Variants in PRKN observed in about 807,000 individuals in gnomAD.
The protein encoded by PRKN is parkin RBR E3 ubiquitin protein ligase, also known as E3 ubiquitin-protein ligase parkin.
In PRKN, 56 loss-of-function variants were observed where a neutral mutation model predicts 59.5. That is an observed-to-expected ratio of 0.94 (90% confidence interval 0.76 to 1.18). The LOEUF (loss-of-function observed/expected upper bound fraction) is 1.18, where lower values mean the gene tolerates loss of function less well. PRKN is among the 50% of genes most tolerant of loss of function. The pLI, the probability that PRKN is intolerant of heterozygous loss-of-function variation, is 0.00. For synonymous variants in PRKN, 250 were observed against 222.1 expected (o/e 1.13, Z -1.12); for missense variants, 657 against 596.4 (o/e 1.10, Z -1.06).
intron 7 of PRKN, among the ~76,000 whole-genome samples, chr6:161,668,508 A>C (rs1346057775): frequency 6.6e-6 from 1 of 152,212 alleles, no homozygotes. Context: ...ACATTAGGGC[A>C]GGTTCTAATG....
At chr6:162,108,637 G>A (rs1328205030) in intron 4 of PRKN, among the ~76,000 whole-genome samples, 2 of 152,172 alleles carry the variant, frequency 1.3e-5, no homozygotes, top group African/African-American at 4.8e-5. Flanking sequence ...TGGTGTGACA[G>A]GGTTAGTTAA....
intron 1 of PRKN, among the ~76,000 whole-genome samples, chr6:162,504,073 G>C (rs1343985593): frequency 5.0e-5 from 4 of 80,178 alleles, no homozygotes; most frequent in African/African-American, 1.4e-4. Flanking sequence ...AGGACACAGA[G>C]AGAGAGAGAG....
rs543055575 is a variant in PRKN, at chr6:162,440,855, C to T, written c.171+2455G>A. Reference sequence around the variant, plus strand: ...ATAATGGGTAACTAAATGATATTGACTAAATAGTTGTAAACATATGTTCTA... The same window carrying T: ...ATAATGGGTAACTAAATGATATTGATTAAATAGTTGTAAACATATGTTCTA... On this transcript the variant is annotated intron_variant, in intron 2 of 11. Transcript: ENST00000366898. Among the ~76,000 whole-genome samples, 3 of 151,626 alleles carry T rather than the reference C, an allele frequency of 2.0e-5. No individual in the cohort carries two copies. In the South Asian group the frequency reaches 6.3e-4, roughly 32 times the overall value.
chr6:161,552,796 T>TC lies in PRKN; in HGVS notation c.934-3794_934-3793insG, dbSNP rs1780085791. Among the ~76,000 whole-genome samples the TC allele has an allele frequency of 6.7e-6, 1 of 149,462 alleles. No individual in the cohort carries two copies. ...CCATGGTTTTGTTGTTGTTTTTGTTTTTTGTTTTTTTTTTTTAGACGGAGT... is the reference window on the plus strand; with the variant it reads ...CCATGGTTTTGTTGTTGTTTTTGTTTCTTTGTTTTTTTTTTTTAGACGGAGT... On this transcript the variant is annotated intron_variant, in intron 8 of 11. Transcript: ENST00000366898. The surrounding 1 kb of genome is among the most constrained non-coding windows in gnomAD (Gnocchi z 4.9).
Position 161,446,536 on chromosome 6 carries a change from G to A in PRKN, c.1084-59659C>T, listed in dbSNP as rs762322109. Among the ~76,000 whole-genome samples, 1 of 152,304 alleles carries A rather than the reference G, an allele frequency of 6.6e-6. No homozygotes were observed. Among genetic ancestry groups the A allele is most frequent in the Middle Eastern group, 3.4e-3 (1 of 294 alleles). On this transcript the variant is annotated intron_variant, in intron 9 of 11. Coordinates refer to ENST00000366898, the MANE Select transcript of PRKN (RefSeq NM_004562.3). The surrounding 1 kb of genome is among the most constrained non-coding windows in gnomAD (Gnocchi z 6.2). ...AGCATAAAAGGAGTAGGATGTTTGT[G>A]ATGGCTGAGCGTCATGGAGGAATTC...
At chr6:162,294,118 TG>T (rs2128110354) in intron 2 of PRKN, among the ~76,000 whole-genome samples, 1 of 132,186 alleles carries the variant, frequency 7.6e-6, no homozygotes, top group South Asian at 2.5e-4. Context: ...GAGGCATCAT[TG>T]GGAGGCAGGA....
intron 1 of PRKN, among the ~76,000 whole-genome samples, chr6:162,666,788 T>C (rs1490777033): frequency 6.6e-6 from 1 of 152,156 alleles, no homozygotes; most frequent in African/African-American, 2.4e-5. Flanking sequence ...TTCTTGGTAC[T>C]ATGAGCTACC....
chr6:162,384,944 T>A (rs1401503764), intron 2 of PRKN, among the ~76,000 whole-genome samples: 1 of 152,130 alleles, frequency 6.6e-6, no homozygotes, highest in East Asian at 1.9e-4. Flanking sequence ...CCCTCCCTTT[T>A]GTTGCTCTGT....
intron 5 of PRKN, among the ~76,000 whole-genome samples, chr6:162,022,658 CAGA>C (rs1783252515): frequency 6.6e-6 from 1 of 152,112 alleles, no homozygotes; most frequent in African/African-American, 2.4e-5. Context: ...TTTTGCTGTG[CAGA>C]AGCTCTTTAG....
chr6:161,920,989 C>A (rs1778764904), intron 6 of PRKN, among the ~76,000 whole-genome samples: 2 of 152,058 alleles, frequency 1.3e-5, no homozygotes, highest in Non-Finnish European at 2.9e-5. Context: ...AATAAACTGA[C>A]CTTGGCTTAC....
chr6:161,544,136 T>A lies in PRKN; in HGVS notation c.1083+4718A>T, dbSNP rs1779713125. ...ATTCTGTGCTGAGTCAAAACTGAAA[T>A]CTCAGTTCTCCCAAGAGTAAGACAT... On this transcript the variant is annotated intron_variant, in intron 9 of 11. Coordinates refer to ENST00000366898, the MANE Select transcript of PRKN (RefSeq NM_004562.3). The surrounding 1 kb of genome is among the most constrained non-coding windows in gnomAD (Gnocchi z 5.5). Among the ~76,000 whole-genome samples the A allele has an allele frequency of 6.6e-6, 1 of 152,200 alleles. No individual in the cohort carries two copies. Among genetic ancestry groups the A allele is most frequent in the Non-Finnish European group, 1.5e-5 (1 of 68,042 alleles).
chr6:161,659,399 CAT>C (rs1260053056), intron 7 of PRKN, among the ~76,000 whole-genome samples: 5 of 152,196 alleles, frequency 3.3e-5, no homozygotes, highest in Admixed American at 6.5e-5. Flanking sequence ...ATTTCACACA[CAT>C]GTTTAAGCAG....
chr6:162,621,735 T>G (rs571034349), intron 1 of PRKN, among the ~76,000 whole-genome samples: 24 of 152,356 alleles, frequency 1.6e-4, no homozygotes, highest in South Asian at 8.3e-4. Flanking sequence ...CTGACTCTAT[T>G]CACTATTGCC....
intron 3 of PRKN, among the ~76,000 whole-genome samples, chr6:162,255,523 T>G (rs1779605631): frequency 6.6e-6 from 1 of 152,186 alleles, no homozygotes; most frequent in Non-Finnish European, 1.5e-5. Flanking sequence ...ACTGATTCAG[T>G]AGGTCTGATA....
At chr6:162,134,962 T>C (rs1453468901) in intron 4 of PRKN, among the ~76,000 whole-genome samples, 2 of 152,182 alleles carry the variant, frequency 1.3e-5, no homozygotes, top group East Asian at 3.8e-4. Flanking sequence ...TTGTTCCTAG[T>C]ACTTTTAATA....
chr6:162,400,902 T>C lies in PRKN; in HGVS notation c.171+42408A>G, dbSNP rs140975642. On this transcript the variant is annotated intron_variant, in intron 2 of 11. Coordinates refer to ENST00000366898, the MANE Select transcript of PRKN (RefSeq NM_004562.3). ...TACAATGTAATATACACTTAGAAAT[T>C]AATAAAGCAAAAATAACGTGTTATT... Among the ~76,000 whole-genome samples the C allele has an allele frequency of 2.3e-4, 35 of 152,272 alleles. No homozygotes were observed. The East Asian group carries it at 6.7e-3, about 29-fold the overall frequency.
At chr6:162,317,226 C>G (rs936705365) in intron 2 of PRKN, among the ~76,000 whole-genome samples, 1 of 152,026 alleles carries the variant, frequency 6.6e-6, no homozygotes, top group African/African-American at 2.4e-5. Context: ...CCTCTCACAT[C>G]AAGGGCAGGG....
At chr6:162,513,983 T>C (rs774059100) in intron 1 of PRKN, among the ~76,000 whole-genome samples, 5 of 151,206 alleles carry the variant, frequency 3.3e-5, no homozygotes, top group Non-Finnish European at 7.4e-5. Context: ...GAGGTGGAGG[T>C]TGCAGTAAGC....
intron 6 of PRKN, among the ~76,000 whole-genome samples, chr6:161,959,706 T>C (rs1780310238): frequency 6.6e-6 from 1 of 152,208 alleles, no homozygotes; most frequent in Non-Finnish European, 1.5e-5. Context: ...GCCTCGTTTC[T>C]AAAAATAACT....
Sources: allele counts gnomAD v4.1 joint callset (sites outside exome capture counted in the v4.1 genomes callset), GRCh38; gene constraint gnomAD v4.1.1; non-coding constraint Gnocchi (gnomAD v3.1); transcripts MANE v1.5; gene names NCBI Gene and HGNC (gene_info 2026-07-23, HGNC 2026-07-21).